TEX11: variants seen among roughly 807,000 people sequenced by gnomAD.
TEX11 encodes the protein testis-expressed protein 11.
Under a neutral mutation model 84.4 loss-of-function variants are expected in TEX11, and 7 were observed. The observed-to-expected ratio is 0.08, with a 90% CI of 0.05 to 0.16. The LOEUF (loss-of-function observed/expected upper bound fraction) is 0.16. Among genes scored for constraint, TEX11 ranks in the 10% least tolerant of loss-of-function variants. The pLI, the probability that TEX11 is intolerant of heterozygous loss-of-function variation, is 1.00. For synonymous variants in TEX11, 264 were observed against 222.8 expected, an observed-to-expected ratio of 1.18 and a Z score of -1.64; for missense variants, 551 against 660.5, an observed-to-expected ratio of 0.83 and a Z score of 1.82.
intron 2 of TEX11, among the ~76,000 whole-genome samples, chrX:70,881,438 A>T (rs1479240426): frequency 8.9e-6 from 1 of 111,767 alleles, no homozygotes; most frequent in Non-Finnish European, 1.9e-5. Flanking sequence ...AGAAATGTCC[A>T]TAAGCTACAT....
At chrX:70,679,779 T>G (rs1181558304) in intron 14 of TEX11, among the ~76,000 whole-genome samples, 3 of 75,608 alleles carry the variant, frequency 4.0e-5, no homozygotes, top group African/African-American at 1.0e-4. Flanking sequence ...GGGAGGGAGG[T>G]GGGGGGGTCA....
chrX:70,709,655 A>T (rs779927529), intron 13 of TEX11, among the ~76,000 whole-genome samples: 10 of 111,285 alleles, frequency 9.0e-5, no homozygotes, highest in Admixed American at 1.9e-4. Context: ...CTTTTCAGGA[A>T]CTCATTTAAT....
chrX:70,821,575 G>A (rs1438448067), intron 8 of TEX11, among the ~76,000 whole-genome samples: 3 of 112,011 alleles, frequency 2.7e-5, no homozygotes, highest in Non-Finnish European at 3.8e-5. Flanking sequence ...GCCACCCCAA[G>A]CCTTGCTTCC....
chrX:70,865,289 G>A (rs2091593616), intron 4 of TEX11, among the ~76,000 whole-genome samples: 1 of 111,524 alleles, frequency 9.0e-6, no homozygotes, highest in Non-Finnish European at 1.9e-5. Context: ...GATCAAAAGA[G>A]ACAAAGAAGG....
At chrX:70,859,207 T>C (rs1412977279) in intron 5 of TEX11, among the ~76,000 whole-genome samples, 1 of 109,850 alleles carries the variant, frequency 9.1e-6, no homozygotes, top group Non-Finnish European at 1.9e-5. Context: ...TTTGAGCTTT[T>C]TTACATAATA....
rs762492755 is a variant in TEX11, at chrX:70,689,746, G to T, written c.1005-6921C>A. ...TAGGGAGAAGAGACAAATTTCCCAT[G>T]TAGAAGAATTCAAAATAATTTATCT... On this transcript the variant is annotated intron_variant, in intron 13 of 29. Transcript: ENST00000374333. Among the ~76,000 whole-genome samples, 8 of 112,109 alleles carry T rather than the reference G, an allele frequency of 7.1e-5. No individual in the cohort carries two copies. The East Asian group carries it at 2.2e-3, about 31-fold the overall frequency.
intron 14 of TEX11, among the ~76,000 whole-genome samples, chrX:70,680,804 CTTT>C (rs2147656335): frequency 8.9e-6 from 1 of 111,732 alleles, no homozygotes; most frequent in South Asian, 3.8e-4. Flanking sequence ...AGCCTACTCT[CTTT>C]TTAACTGATT....
At chrX:70,898,755 G>C (rs917720977) in intron 2 of TEX11, among the ~76,000 whole-genome samples, 2 of 110,273 alleles carry the variant, frequency 1.8e-5, no homozygotes, top group African/African-American at 3.3e-5. Context: ...ACAGGTGCCC[G>C]CCAGCACACT....
chrX:70,885,617 C>T (rs35256632), intron 2 of TEX11, among the ~76,000 whole-genome samples: 10,369 of 110,752 alleles, frequency 0.094, 632 homozygotes, highest in Admixed American at 0.29. Context: ...TAAGGCCAGG[C>T]GCAGTGGCTT....
In TEX11 at chrX:70,767,881, C is replaced by T. The variant is rs2090950480; in HGVS notation, c.693-23662G>A. Among the ~76,000 whole-genome samples the T allele has an allele frequency of 3.6e-5, 4 of 111,367 alleles. 1 individual carries two copies. Among genetic ancestry groups the T allele is most frequent in the Non-Finnish European group, 7.5e-5 (4 of 53,115 alleles). On this transcript the variant is annotated intron_variant, in intron 9 of 29. Transcript: ENST00000374333. ...GTGAAATAAGCCAGGCACGGAAAGA[C>T]AAACATCACATGTTCTCACTTATTT...
intron 20 of TEX11, among the ~76,000 whole-genome samples, chrX:70,623,461 A>T (rs779584597): frequency 7.1e-5 from 8 of 112,135 alleles, no homozygotes; most frequent in Non-Finnish European, 1.1e-4. Context: ...CCAACAAGCC[A>T]TCCAGGTTAT....
At chrX:70,513,563 A>C in the TEX11 span, among the ~76,000 whole-genome samples, 1 of 106,830 alleles carries the variant, frequency 9.4e-6, no homozygotes, top group African/African-American at 3.5e-5. Context: ...ATTCACAGGC[A>C]GGATCATAGT....
intron 11 of TEX11, among the ~76,000 whole-genome samples, chrX:70,733,189 C>T (rs2090668161): frequency 9.0e-6 from 1 of 111,516 alleles, no homozygotes; most frequent in South Asian, 3.8e-4. Context: ...GACCTAAAAC[C>T]ATAAAAACCC....
intron 13 of TEX11, among the ~76,000 whole-genome samples, chrX:70,711,623 T>C (rs1254754170): frequency 1.8e-5 from 2 of 112,214 alleles, no homozygotes; most frequent in Non-Finnish European, 1.9e-5. Context: ...TTTGCCAACT[T>C]GTTGATGGGG....
In TEX11 at chrX:70,777,391, G is replaced by T. The variant is rs932782571; in HGVS notation, c.692+29314C>A. 3.2e-4 allele frequency among the ~76,000 whole-genome samples: 36 copies of T among 111,596 alleles called. No individual in the cohort carries two copies. The Admixed American group carries it at 3.2e-3, about 10-fold the overall frequency. ...TGGCCAGGCGCAGTGGCTCACGCCT[G>T]TAATCCCAGCACTTTGGGAGGCCGA... On this transcript the variant is annotated intron_variant, in intron 9 of 29. Coordinates refer to ENST00000374333, the MANE Select transcript of TEX11 (RefSeq NM_031276.3).
At chrX:70,685,257 G>A (rs1575681) in intron 13 of TEX11, among the ~76,000 whole-genome samples, 31,588 of 110,607 alleles carry the variant, frequency 0.29, 3,382 homozygotes, top group Admixed American at 0.41. Context: ...CCAGCTATGC[G>A]GGGAGGGCTG....
chrX:70,624,842 A>G lies in TEX11; in HGVS notation c.1691T>C (p.Val564Ala). Residue 564 changes from valine (V) to alanine (A), a missense_variant, in exon 19 of 30, where the codon GTA becomes GCA. Physicochemically the swap from Val to Ala is moderately conservative, Grantham distance 64. Transcript: ENST00000374333. Reference protein sequence around the residue: ...SEDQEQVLTAVKCLLRFLLPK... With the variant: ...SEDQEQVLTAAKCLLRFLLPK... ...CCACAGGATGTAGGTTACTTACTTT[A>G]CAGCTGTAAGAACTTGTTCCTGGTC... 8.3e-7 allele frequency: 1 copy of G among 1,199,191 alleles called. No homozygotes were observed. Among genetic ancestry groups the G allele is most frequent in the Non-Finnish European group, 1.1e-6 (1 of 885,944 alleles).
chrX:70,596,964 G>A (rs772563493), intron 24 of TEX11, among the ~76,000 whole-genome samples: 45 of 111,312 alleles, frequency 4.0e-4, no homozygotes, highest in Non-Finnish European at 6.6e-4. Flanking sequence ...AAATAAAGAG[G>A]ACTATAAGGG....
rs776873185 is a variant in TEX11, at chrX:70,696,152, T to C, written c.1005-13327A>G. On this transcript the variant is annotated intron_variant, in intron 13 of 29. Coordinates refer to ENST00000374333, the MANE Select transcript of TEX11 (RefSeq NM_031276.3). ...TGCAGTTGCAAAACCCACTCCAATA[T>C]CTATCTGGTTGATCTGCCACTATGG... is the stretch of plus-strand genomic sequence containing the variant. Among the ~76,000 whole-genome samples the C allele has an allele frequency of 1.2e-4, 13 of 111,506 alleles. 1 individual carries two copies. In the South Asian group the frequency reaches 5.0e-3, roughly 43 times the overall value.
Sources: gnomAD v4.1 joint callset for allele counts (sites outside exome capture counted in the v4.1 genomes callset) on GRCh38, gnomAD v4.1.1 for gene constraint, MANE v1.5 for transcripts, NCBI Gene and HGNC (gene_info 2026-07-23, HGNC 2026-07-21) for gene names.